The following NEDD4L variants were observed in gnomAD, a reference collection of about 807,000 sequenced individuals.
NEDD4L encodes the protein E3 ubiquitin-protein ligase NEDD4-like.
Under a neutral mutation model 148.9 loss-of-function variants are expected in NEDD4L, and 54 were observed. The ratio of observed to expected loss-of-function variants is 0.36; its 90% CI spans 0.29 to 0.45. NEDD4L has a LOEUF of 0.45. NEDD4L is among the 20% of genes least tolerant of loss of function. NEDD4L has a pLI of 1.00. For missense variants in NEDD4L, 856 were observed against 1,233.8 expected, an observed-to-expected ratio of 0.69 and a Z score of 4.59; for synonymous variants, 433 against 440.7, an observed-to-expected ratio of 0.98 and a Z score of 0.22.
chr18:58,316,827 G>A (rs751059539), intron 6 of NEDD4L, among the ~76,000 whole-genome samples: 1 of 152,224 alleles, frequency 6.6e-6, no homozygotes, highest in Non-Finnish European at 1.5e-5. Flanking sequence ...GCACAACGAC[G>A]TGATAGAAGT....
intron 24 of NEDD4L, 23 bp from the exon 25 acceptor site, chr18:58,383,223 T>A: frequency 8.0e-7 from 1 of 1,257,510 alleles, no homozygotes; most frequent in Non-Finnish European, 1.1e-6. Flanking sequence ...ATAGTAATTG[T>A]TGTTTTGTCT....
chr18:58,120,653 G>T (rs1321191989), intron 1 of NEDD4L, among the ~76,000 whole-genome samples: 1 of 152,196 alleles, frequency 6.6e-6, no homozygotes, highest in Non-Finnish European at 1.5e-5. Flanking sequence ...GGTGGCGGGA[G>T]CCTGTAGTCC....
intron 5 of NEDD4L, among the ~76,000 whole-genome samples, chr18:58,306,621 TTC>T (rs1406625700): frequency 6.9e-6 from 1 of 145,348 alleles, no homozygotes; most frequent in African/African-American, 2.5e-5. Flanking sequence ...TTGGGCAAGT[TTC>T]TTTCTTCTTT....
At chr18:58,345,440 A>G (rs933085094) in intron 16 of NEDD4L, among the ~76,000 whole-genome samples, 1 of 152,258 alleles carries the variant, frequency 6.6e-6, no homozygotes, top group Non-Finnish European at 1.5e-5. Flanking sequence ...AGAAGAGAAC[A>G]AATGAGAGAA....
rs1185054618 is a variant in NEDD4L, at chr18:58,167,771, G to A, written c.122+1910G>A. Among the ~76,000 whole-genome samples the A allele has an allele frequency of 2.6e-5, 4 of 152,146 alleles. No homozygotes were observed. The East Asian group carries it at 7.7e-4, about 29-fold the overall frequency. ...GTAAACATTTGCATGCCAACCGGTA[G>A]TGGATTGTGCCCTTAGGTTAAAAAT... On this transcript the variant is annotated intron_variant, in intron 2 of 30. Coordinates refer to ENST00000400345, the MANE Select transcript of NEDD4L (RefSeq NM_001144967.3).
At chr18:58,223,681 A>G (rs1407981811) in intron 2 of NEDD4L, among the ~76,000 whole-genome samples, 1 of 152,180 alleles carries the variant, frequency 6.6e-6, no homozygotes, top group Non-Finnish European at 1.5e-5. Context: ...TGAGTTAAAT[A>G]TGATGTAGTG....
chr18:58,244,882 G>A (rs1159747877), intron 2 of NEDD4L, among the ~76,000 whole-genome samples: 1 of 152,058 alleles, frequency 6.6e-6, no homozygotes, highest in Non-Finnish European at 1.5e-5. Context: ...TTTTAGTAGA[G>A]ACAGGGTTTC....
At chr18:58,258,708 TA>T (rs1402349542) in intron 5 of NEDD4L, among the ~76,000 whole-genome samples, 2 of 152,326 alleles carry the variant, frequency 1.3e-5, no homozygotes, top group East Asian at 3.9e-4. Flanking sequence ...TTTGTACACA[TA>T]CATAAATTAG....
In NEDD4L at chr18:58,400,838, C is replaced by T. The variant is rs1326113838; in HGVS notation, c.*4569C>T. ...CAGACTGATTTCACCTAGATTGTCA[C>T]GGTTTCCTTCATGTTAACTTTGCGT... is the stretch of plus-strand genomic sequence containing the variant. On this transcript the variant is annotated 3_prime_UTR_variant, in exon 31 of 31. Transcript: ENST00000400345. The T allele has an allele frequency of 2.6e-5, 4 of 152,200 alleles. No homozygotes were observed. The highest frequency in any genetic ancestry group is 1.9e-4 in the East Asian group (1 of 5,206). The allele number at this position is 152,200 out of a possible 1,614,324, so 9.4% of individuals were successfully genotyped here.
At chr18:58,307,506 TTA>T (rs1323649864) in intron 5 of NEDD4L, among the ~76,000 whole-genome samples, 2 of 152,184 alleles carry the variant, frequency 1.3e-5, no homozygotes, top group African/African-American at 4.8e-5. Flanking sequence ...AATGGAGAGT[TTA>T]TGAAAAGTTA....
At chr18:58,362,730 A>G (rs547039087) in intron 19 of NEDD4L, among the ~76,000 whole-genome samples, 75 of 152,362 alleles carry the variant, frequency 4.9e-4, no homozygotes, top group Admixed American at 7.8e-4. Flanking sequence ...TAGGTGCTCA[A>G]GAAGTATCGG....
At chr18:58,136,296 C>T (rs1287814795) in intron 1 of NEDD4L, among the ~76,000 whole-genome samples, 5 of 152,126 alleles carry the variant, frequency 3.3e-5, no homozygotes, top group Non-Finnish European at 5.9e-5. Context: ...CCGCATCCTG[C>T]CACTGAGTTG....
intron 1 of NEDD4L, among the ~76,000 whole-genome samples, chr18:58,127,840 C>A (rs369024068): frequency 8.9e-3 from 1,011 of 113,966 alleles, no homozygotes; most frequent in Middle Eastern, 0.014. Context: ...GACTCCGTCT[C>A]AAAAAAAAAA....
At chr18:58,090,309 A>AC (rs750424129) in intron 1 of NEDD4L, among the ~76,000 whole-genome samples, 144 of 152,310 alleles carry the variant, frequency 9.5e-4, no homozygotes, top group Admixed American at 2.9e-3. Flanking sequence ...GTGTAAATTA[A>AC]CATGTGCCTT....
At chr18:58,354,083 TC>T (rs1320431642) in intron 18 of NEDD4L, among the ~76,000 whole-genome samples, 1 of 152,236 alleles carries the variant, frequency 6.6e-6, no homozygotes, top group Non-Finnish European at 1.5e-5. Context: ...CTCTTTAGAC[TC>T]CTCGATTCCT....
chr18:58,333,684 A>G (rs1453703413), intron 11 of NEDD4L, 134 bp from the exon 12 acceptor site: 2 of 679,116 alleles, frequency 2.9e-6, no homozygotes, highest in African/African-American at 3.6e-5. Context: ...CTTGCTCTGA[A>G]AAGATGTTTC....
chr18:58,396,485 T>C lies in NEDD4L; in HGVS notation c.*216T>C. 1 of 480,922 alleles carries C rather than the reference T, an allele frequency of 2.1e-6. No individual in the cohort carries two copies. Among genetic ancestry groups the C allele is most frequent in the Non-Finnish European group, 3.8e-6 (1 of 263,732 alleles). 29.8% of individuals were successfully genotyped at this position (480,922 alleles called of 1,614,324 possible). ...CCACCACAAATTATCAACTGGTTGA[T>C]GTGTACACTAATTACATTTCAGGAG... On this transcript the variant is annotated 3_prime_UTR_variant, in exon 31 of 31. Transcript: ENST00000400345.
At chr18:58,327,190 C>G (rs1266050622) in intron 9 of NEDD4L, among the ~76,000 whole-genome samples, 1 of 152,168 alleles carries the variant, frequency 6.6e-6, no homozygotes, top group East Asian at 1.9e-4. Flanking sequence ...CTCCGCCTCC[C>G]AGGTTCAAGC....
chr18:58,119,384 GC>G (rs1370953007), intron 1 of NEDD4L, among the ~76,000 whole-genome samples: 1 of 152,082 alleles, frequency 6.6e-6, no homozygotes, highest in Non-Finnish European at 1.5e-5. Context: ...GTCCTTTTCT[GC>G]CCCCAGCCTG....
Sources: gnomAD v4.1 joint callset for allele counts (sites outside exome capture counted in the v4.1 genomes callset) on GRCh38, gnomAD v4.1.1 for gene constraint, MANE v1.5 for transcripts, NCBI Gene and HGNC (gene_info 2026-07-23, HGNC 2026-07-21) for gene names.